Variants in FBXL17 observed in about 807,000 individuals in gnomAD.
The protein encoded by FBXL17 is F-box and leucine rich repeat protein 17.
Under a neutral mutation model 66.2 loss-of-function variants are expected in FBXL17, and 22 were observed. The observed-to-expected ratio is 0.33, with a 90% CI of 0.24 to 0.47. The LOEUF is 0.47. Ranked by LOEUF, FBXL17 falls within the 20% of genes least tolerant of loss-of-function variation. The pLI is 1.00. For synonymous variants in FBXL17, 474 were observed against 400.5 expected, an observed-to-expected ratio of 1.18 and a Z score of -2.19; for missense variants, 878 against 948.2, an observed-to-expected ratio of 0.93 and a Z score of 0.97.
intron 8 of FBXL17, chr5:107,880,690 A>G (rs1309605204): frequency 4.0e-6 from 5 of 1,243,962 alleles, no homozygotes; most frequent in Non-Finnish European, 4.0e-6. Context: ...CCAGAATACA[A>G]TTTTACGGTT....
intron 6 of FBXL17, among the ~76,000 whole-genome samples, chr5:108,158,427 T>C (rs1752078342): frequency 6.6e-6 from 1 of 152,070 alleles, no homozygotes; most frequent in African/African-American, 2.4e-5. Flanking sequence ...GTAGTGTGTC[T>C]TAAAATACTT....
chr5:108,297,941 G>T (rs1268117407), intron 4 of FBXL17: 3 of 969,766 alleles, frequency 3.1e-6, no homozygotes, highest in Admixed American at 1.2e-4. Context: ...ACAGTTTATG[G>T]CATTATATTC....
At chr5:108,339,899 G>A (rs1255925791) in intron 4 of FBXL17, among the ~76,000 whole-genome samples, 1 of 152,010 alleles carries the variant, frequency 6.6e-6, no homozygotes, top group Non-Finnish European at 1.5e-5. Flanking sequence ...CAGAGTTAGT[G>A]AACTAATTTT....
intron 7 of FBXL17, among the ~76,000 whole-genome samples, chr5:107,948,837 C>A (rs2112603463): frequency 6.6e-6 from 1 of 152,290 alleles, no homozygotes; most frequent in South Asian, 2.1e-4. Flanking sequence ...CTTAAGATAG[C>A]TCTTGGTACA....
Position 108,165,683 on chromosome 5 carries a change from T to A in FBXL17, c.1745+20434A>T, listed in dbSNP as rs536450704. 9.8e-5 allele frequency among the ~76,000 whole-genome samples: 15 copies of A among 152,288 alleles called. No individual in the cohort carries two copies. In the South Asian group the frequency reaches 3.1e-3, roughly 32 times the overall value. ...TTATCCTTGAGCCTTAGTTTCAAAA[T>A]AGCAAAATATAGGTGTTAGATGGGT... On this transcript the variant is annotated intron_variant, in intron 6 of 8. Transcript: ENST00000542267.
intron 4 of FBXL17, among the ~76,000 whole-genome samples, chr5:108,343,597 T>C (rs950218416): frequency 3.3e-5 from 5 of 152,186 alleles, no homozygotes; most frequent in Admixed American, 2.6e-4. Flanking sequence ...ATTAACTCTA[T>C]GGTGAACAGT....
At chr5:108,178,749 C>T (rs1752890691) in intron 6 of FBXL17, among the ~76,000 whole-genome samples, 1 of 152,140 alleles carries the variant, frequency 6.6e-6, no homozygotes, top group East Asian at 1.9e-4. Flanking sequence ...AAATACCACC[C>T]CCAAGCAGCT....
At chr5:108,174,799 A>G (rs1752733098) in intron 6 of FBXL17, among the ~76,000 whole-genome samples, 1 of 149,988 alleles carries the variant, frequency 6.7e-6, no homozygotes, top group African/African-American at 2.5e-5. Flanking sequence ...CCTCTTTTCA[A>G]TTAACACAGG....
At position 108,213,258 on chromosome 5, in the gene FBXL17, C is replaced by G. The variant is rs149092654; in HGVS notation, c.1614+10863G>C. ...GGGAGTGGGACCCACCAAGCCAGAC[C>G]ACTTGGCTCCCTGGCTTCAGCACCC... On this transcript the variant is annotated intron_variant, in intron 5 of 8. Transcript: ENST00000542267. 2.8e-3 allele frequency among the ~76,000 whole-genome samples: 420 copies of G among 152,276 alleles called. 4 individuals carry two copies. The highest frequency in any genetic ancestry group is 9.6e-3 in the African/African-American group (401 of 41,566).
chr5:107,981,529 G>A (rs1338703902), intron 7 of FBXL17, among the ~76,000 whole-genome samples: 3 of 152,224 alleles, frequency 2.0e-5, no homozygotes, highest in African/African-American at 7.2e-5. Flanking sequence ...AGGCAATGGT[G>A]TAGGAAGGAC....
At chr5:108,041,361 G>C (rs1045904181) in intron 6 of FBXL17, among the ~76,000 whole-genome samples, 4 of 152,120 alleles carry the variant, frequency 2.6e-5, no homozygotes, top group Non-Finnish European at 5.9e-5. Flanking sequence ...ATCATGCTAA[G>C]AACCTTGAAT....
chr5:108,074,024 T>G (rs1275112302), intron 6 of FBXL17, among the ~76,000 whole-genome samples: 1 of 152,222 alleles, frequency 6.6e-6, no homozygotes, highest in African/African-American at 2.4e-5. Flanking sequence ...CATAGCCTCT[T>G]GACTCTATAA....
chr5:108,217,289 G>A (rs1195365043), intron 5 of FBXL17, among the ~76,000 whole-genome samples: 10 of 152,046 alleles, frequency 6.6e-5, no homozygotes, highest in Admixed American at 1.3e-4. Context: ...CTCCTTAATA[G>A]TCTTGGAGGT....
At chr5:108,327,608 T>G (rs575361177) in intron 4 of FBXL17, among the ~76,000 whole-genome samples, 1 of 152,236 alleles carries the variant, frequency 6.6e-6, no homozygotes, top group South Asian at 2.1e-4. Context: ...ATGTAACAAG[T>G]GTAGGCAGAG....
chr5:108,194,750 G>C (rs903562584), intron 5 of FBXL17, among the ~76,000 whole-genome samples: 2 of 152,116 alleles, frequency 1.3e-5, no homozygotes, highest in East Asian at 3.9e-4. Flanking sequence ...CTGAGCACCT[G>C]GCTCTAACCT....
At chr5:108,224,519 G>A (rs1580647120) in intron 4 of FBXL17, among the ~76,000 whole-genome samples, 1 of 142,072 alleles carries the variant, frequency 7.0e-6, no homozygotes. Context: ...GTATATATAT[G>A]TATATGTATA....
chr5:108,277,384 G>A (rs761070812), intron 4 of FBXL17, among the ~76,000 whole-genome samples: 1 of 151,756 alleles, frequency 6.6e-6, no homozygotes, highest in East Asian at 1.9e-4. Context: ...AACTTTCTGG[G>A]GGAAAAAATG....
At chr5:108,066,728 T>C (rs1748129637) in intron 6 of FBXL17, among the ~76,000 whole-genome samples, 1 of 152,002 alleles carries the variant, frequency 6.6e-6, no homozygotes, top group African/African-American at 2.4e-5. Flanking sequence ...TTACATATTT[T>C]CACAAGTTTT....
In FBXL17 at chr5:108,353,489, G is replaced by A. The variant is rs555688421; in HGVS notation, c.1375-4959C>T. Reference sequence around the variant, plus strand: ...AGGAGCTCTACCAGGTCTTCACGGAGAATACTGGAGAGAAATCACCTCATG... The same window carrying A: ...AGGAGCTCTACCAGGTCTTCACGGAAAATACTGGAGAGAAATCACCTCATG... On this transcript the variant is annotated intron_variant, in intron 3 of 8. Transcript: ENST00000542267. 7.9e-5 allele frequency among the ~76,000 whole-genome samples: 12 copies of A among 152,330 alleles called. No individual in the cohort carries two copies. The South Asian group carries it at 8.3e-4, about 11-fold the overall frequency.
Sources: allele counts gnomAD v4.1 joint callset (sites outside exome capture counted in the v4.1 genomes callset), GRCh38; gene constraint gnomAD v4.1.1; transcripts MANE v1.5; gene names NCBI Gene and HGNC (gene_info 2026-07-23, HGNC 2026-07-21).